Variants in SOAT1 observed in about 807,000 individuals in gnomAD.
The protein encoded by SOAT1 is sterol O-acyltransferase 1.
SOAT1 carries 55 observed loss-of-function variants against 69.5 expected under a neutral mutation model. The observed-to-expected ratio is 0.79, with a 90% CI of 0.64 to 0.99. The LOEUF is 0.99. SOAT1 is among the 50% of genes least tolerant of loss of function. The pLI is 0.00. For synonymous variants in SOAT1, 231 were observed against 224.7 expected, an observed-to-expected ratio of 1.03 and a Z score of -0.25; for missense variants, 580 against 669.3, an observed-to-expected ratio of 0.87 and a Z score of 1.47.
At chr1:179,343,975 G>A (rs1291059285) in intron 10 of SOAT1, among the ~76,000 whole-genome samples, 1 of 152,070 alleles carries the variant, frequency 6.6e-6, no homozygotes, top group Non-Finnish European at 1.5e-5. Flanking sequence ...ACAAAAATTA[G>A]CCTGGCGTGG....
chr1:179,343,470 A>G (rs1666414498), intron 9 of SOAT1, 120 bp from the exon 10 acceptor site: 1 of 719,120 alleles, frequency 1.4e-6, no homozygotes, highest in African/African-American at 1.8e-5. Flanking sequence ...CTGCCTTCCA[A>G]AGTGCTTGGA....
chr1:179,347,151 G>A (rs551255481), intron 11 of SOAT1, among the ~76,000 whole-genome samples: 1 of 152,194 alleles, frequency 6.6e-6, no homozygotes, highest in East Asian at 1.9e-4. Flanking sequence ...AAGGTCAGGA[G>A]ATTGAGACCT....
rs1295949279 is a variant in SOAT1 at position 179,344,352 on chromosome 1, GGTTTTTTTTTTTTTTTTT to G, written c.988-594_988-577del. 2.8e-4 allele frequency among the ~76,000 whole-genome samples: 34 copies of G among 120,562 alleles called. 2 individuals are homozygous for G. Among genetic ancestry groups the G allele is most frequent in the Non-Finnish European group, 4.4e-4 (25 of 57,124 alleles). The allele number at this position is 120,562 out of a possible 152,430, so 79.1% of individuals were successfully genotyped here. A position where few individuals can be genotyped will look rare whatever the true frequency, so the allele number is the denominator to read the frequency against. ...TATGAAGTAAGTTCTTTCATTAAGG[GGTTTTTTTTTTTTTTTTT>G]TTTTTTTTTTTTTTTTTTTTTTGAG... On this transcript the variant is annotated intron_variant, in intron 10 of 15. Transcript: ENST00000367619.
intron 14 of SOAT1, among the ~76,000 whole-genome samples, chr1:179,350,821 A>G (rs190097450): frequency 1.6e-4 from 24 of 152,300 alleles, no homozygotes; most frequent in Admixed American, 1.5e-3. Flanking sequence ...CATGAAATAT[A>G]TATACACATG....
intron 2 of SOAT1, among the ~76,000 whole-genome samples, chr1:179,319,284 T>C (rs1353535609): frequency 1.3e-5 from 2 of 151,170 alleles, no homozygotes; most frequent in South Asian, 2.1e-4. Flanking sequence ...TTTTTTTTTT[T>C]TAAAAGACAG....
chr1:179,333,476 C>T (rs1052250035), intron 3 of SOAT1, among the ~76,000 whole-genome samples: 12 of 151,120 alleles, frequency 7.9e-5, no homozygotes, highest in Admixed American at 2.0e-4. Flanking sequence ...CTGAGGTGGG[C>T]GGATCACTTG....
intron 3 of SOAT1, among the ~76,000 whole-genome samples, chr1:179,332,598 G>A (rs368675283): frequency 1.4e-4 from 22 of 152,116 alleles, no homozygotes; most frequent in East Asian, 1.2e-3. Context: ...CTGTCATGGT[G>A]CTAGGGCTGT....
intron 2 of SOAT1, among the ~76,000 whole-genome samples, chr1:179,315,740 G>T (rs1159009646): frequency 2.6e-5 from 4 of 152,104 alleles, no homozygotes; most frequent in Non-Finnish European, 1.5e-5. Flanking sequence ...TGTTTGTAAT[G>T]ATGGCTGTCG....
At chr1:179,333,045 C>T (rs560230045) in intron 3 of SOAT1, among the ~76,000 whole-genome samples, 2 of 152,176 alleles carry the variant, frequency 1.3e-5, no homozygotes, top group South Asian at 2.1e-4. Context: ...AATTATAATG[C>T]CATGTAAAGG....
intron 2 of SOAT1, among the ~76,000 whole-genome samples, chr1:179,318,920 C>G (rs1665492243): frequency 6.6e-6 from 1 of 152,086 alleles, no homozygotes; most frequent in Non-Finnish European, 1.5e-5. Flanking sequence ...TATTCATATA[C>G]AAGTTTTTGA....
Position 179,355,431 on chromosome 1 carries a change from T to C in SOAT1, c.*1790T>C, listed in dbSNP as rs1170875996. The C allele has an allele frequency of 6.6e-6, 1 of 152,246 alleles. No individual in the cohort carries two copies. Among genetic ancestry groups the C allele is most frequent in the Non-Finnish European group, 1.5e-5 (1 of 68,042 alleles). 9.4% of individuals were successfully genotyped at this position (152,246 alleles called of 1,614,324 possible). A position where few individuals can be genotyped will look rare whatever the true frequency, so the allele number is the denominator to read the frequency against. On this transcript the variant is annotated 3_prime_UTR_variant, in exon 16 of 16. Transcript: ENST00000367619. ...TTAGGTTTATATTTCTGTTAAGAAA[T>C]ACTATAAATATGACTCTTATGAGAA...
Position 179,315,762 on chromosome 1 carries a change from G to A in SOAT1, c.119-7675G>A, listed in dbSNP as rs534249865. On this transcript the variant is annotated intron_variant, in intron 2 of 15. Coordinates refer to ENST00000367619, the MANE Select transcript of SOAT1 (RefSeq NM_003101.6). ...AATGATGGCTGTCGTGTTATTTATG[G>A]ATAGACAGATTCTTTTTGGAAGGGA... 1.4e-4 allele frequency among the ~76,000 whole-genome samples: 21 copies of A among 152,260 alleles called. No individual in the cohort carries two copies. The East Asian group carries it at 3.7e-3, about 27-fold the overall frequency.
intron 2 of SOAT1, among the ~76,000 whole-genome samples, chr1:179,311,170 A>C (rs889033834): frequency 3.9e-5 from 6 of 152,270 alleles, no homozygotes; most frequent in Middle Eastern, 3.4e-3. Context: ...ATTCAAGACC[A>C]GTCTGGGCAA....
Position 179,302,744 on chromosome 1 carries a change from T to C in SOAT1, c.60T>C (p.Pro20=), listed in dbSNP as rs1664875275. ...RNRLSKSREN[P]EEDEDQRNPA... ...GGCTGTCAAAGTCCAGGGAAAATCC[T>C]GAGGAAGATGAAGACCAGAGAAACC... The change falls in exon 2 of 16, where the codon CCT becomes CCC. Residue 20 remains proline (P), a synonymous_variant. Coordinates refer to ENST00000367619, the MANE Select transcript of SOAT1 (RefSeq NM_003101.6). 6.2e-7 allele frequency: 1 copy of C among 1,610,290 alleles called. No homozygotes were observed. The highest frequency in any genetic ancestry group is 1.3e-5 in the African/African-American group (1 of 74,496).
intron 1 of SOAT1, among the ~76,000 whole-genome samples, chr1:179,295,230 GA>G (rs1247130755): frequency 6.6e-6 from 1 of 152,070 alleles, no homozygotes; most frequent in Non-Finnish European, 1.5e-5. Context: ...TTTGTTACTG[GA>G]AAGCTTCATT....
chr1:179,351,040 T>C (rs1269697229), intron 14 of SOAT1, among the ~76,000 whole-genome samples: 6 of 141,758 alleles, frequency 4.2e-5, no homozygotes, highest in East Asian at 2.0e-4. Context: ...TTTTTTTTTT[T>C]TTTTTTTTTT....
At chr1:179,335,999 A>C in intron 4 of SOAT1, among the ~76,000 whole-genome samples, 1 of 152,080 alleles carries the variant, frequency 6.6e-6, no homozygotes, top group Non-Finnish European at 1.5e-5. Flanking sequence ...ATTTGTCTCT[A>C]CTAAAAATAC....
At chr1:179,319,212 T>C (rs182979583) in intron 2 of SOAT1, among the ~76,000 whole-genome samples, 1 of 152,242 alleles carries the variant, frequency 6.6e-6, no homozygotes, top group Admixed American at 6.5e-5. Context: ...GAGTGTCTTT[T>C]TGTGTGGTTA....
chr1:179,353,565 C>A lies in SOAT1; in HGVS notation c.1597-20C>A. 6.2e-7 allele frequency: 1 copy of A among 1,608,436 alleles called. No individual in the cohort carries two copies. The highest frequency in any genetic ancestry group is 8.5e-7 in the Non-Finnish European group (1 of 1,175,050). Reference sequence around the variant, plus strand: ...TCTGTACACAAATTATTTTTCCATTCTTATTTTTCCCCACTGCAGCCCACA... The same window carrying A: ...TCTGTACACAAATTATTTTTCCATTATTATTTTTCCCCACTGCAGCCCACA... On this transcript the variant is annotated intron_variant, in intron 15 of 15. Transcript: ENST00000367619.
Sources: allele counts gnomAD v4.1 joint callset (sites outside exome capture counted in the v4.1 genomes callset), GRCh38; gene constraint gnomAD v4.1.1; transcripts MANE v1.5; gene names NCBI Gene and HGNC (gene_info 2026-07-23, HGNC 2026-07-21).